Variants in NRG2 observed in about 807,000 individuals in gnomAD.
NRG2 encodes the protein neuregulin 2.
A neutral mutation model predicts 73.9 loss-of-function variants in NRG2; 27 were observed. That is an observed-to-expected ratio of 0.37 (90% CI 0.27 to 0.50). The LOEUF is 0.50. NRG2 is among the 20% of genes least tolerant of loss of function. The pLI is 0.96. For missense variants in NRG2, 1,126 were observed against 1,210.1 expected, an observed-to-expected ratio of 0.93 and a Z score of 1.03; for synonymous variants, 532 against 541.0, an observed-to-expected ratio of 0.98 and a Z score of 0.23.
At chr5:139,955,069 T>A (rs1168360360) in intron 1 of NRG2, among the ~76,000 whole-genome samples, 1 of 152,224 alleles carries the variant, frequency 6.6e-6, no homozygotes, top group African/African-American at 2.4e-5. Flanking sequence ...CTAGGTATCA[T>A]GCTAGACAGC....
intron 1 of NRG2, among the ~76,000 whole-genome samples, chr5:139,891,742 A>T (rs1327715628): frequency 6.6e-6 from 1 of 152,022 alleles, no homozygotes; most frequent in Non-Finnish European, 1.5e-5. Flanking sequence ...GCAGGGTCTG[A>T]GGGGAGCCTG....
At chr5:139,946,674 G>C (rs889619934) in intron 1 of NRG2, among the ~76,000 whole-genome samples, 1 of 152,078 alleles carries the variant, frequency 6.6e-6, no homozygotes, top group African/African-American at 2.4e-5. Flanking sequence ...TTAAGAAAGT[G>C]AAACGACAAC....
intron 1 of NRG2, among the ~76,000 whole-genome samples, chr5:140,003,121 C>G (rs556150794): frequency 2.6e-5 from 4 of 152,172 alleles, no homozygotes; most frequent in Non-Finnish European, 4.4e-5. Flanking sequence ...TGTGCTTCTT[C>G]ATAAATTGAC....
chr5:139,993,609 T>C (rs942913109), intron 1 of NRG2, among the ~76,000 whole-genome samples: 2 of 152,244 alleles, frequency 1.3e-5, no homozygotes, highest in African/African-American at 4.8e-5. Flanking sequence ...CACTTATTTG[T>C]TTGATTTTCA....
At chr5:139,990,974 T>G (rs1427480060) in intron 1 of NRG2, among the ~76,000 whole-genome samples, 4 of 152,128 alleles carry the variant, frequency 2.6e-5, no homozygotes. Context: ...TAAGCGGTCT[T>G]TTGGTATATA....
chr5:140,040,962 A>C (rs1188404232), intron 1 of NRG2, among the ~76,000 whole-genome samples: 1 of 152,190 alleles, frequency 6.6e-6, no homozygotes, highest in Non-Finnish European at 1.5e-5. Flanking sequence ...GATTCTTCTC[A>C]TTAAAGTGAT....
chr5:139,851,414 C>T lies in NRG2; in HGVS notation c.1772+190G>A, dbSNP rs1761409177. Among the ~76,000 whole-genome samples the T allele has an allele frequency of 6.6e-6, 1 of 152,224 alleles. No individual in the cohort carries two copies. The highest frequency in any genetic ancestry group is 1.5e-5 in the Non-Finnish European group (1 of 68,044). On this transcript the variant is annotated intron_variant, in intron 9 of 9. Coordinates refer to ENST00000361474, the MANE Select transcript of NRG2 (RefSeq NM_004883.3). This position sits in a 1 kb window ranked among gnomAD's most constrained non-coding sequence, Gnocchi z 4.2. ...CAGGGTCCACTGGCCCAACTCTAGT[C>T]CCAGTCTGTCATTAACATGCCGATG... is the stretch of plus-strand genomic sequence containing the variant.
intron 1 of NRG2, among the ~76,000 whole-genome samples, chr5:140,041,399 G>A (rs1383999214): frequency 6.6e-6 from 1 of 152,106 alleles, no homozygotes; most frequent in Non-Finnish European, 1.5e-5. Flanking sequence ...TGGATTCAGG[G>A]ACAAGAAGAA....
chr5:139,952,124 G>A (rs6580318), intron 1 of NRG2, among the ~76,000 whole-genome samples: 23,194 of 152,144 alleles, frequency 0.15, 1,972 homozygotes, highest in South Asian at 0.25. Context: ...ATGGTTGCAG[G>A]GATTAACCAA....
chr5:140,002,073 A>T (rs1231897640), intron 1 of NRG2, among the ~76,000 whole-genome samples: 2 of 152,014 alleles, frequency 1.3e-5, no homozygotes, highest in Non-Finnish European at 2.9e-5. Context: ...GGTCCCAGCT[A>T]CTCAGGAGGC....
At position 139,853,006 on chromosome 5, in the gene NRG2, G is replaced by T. The variant is rs939884648; in HGVS notation, c.1314C>A (p.His438Gln). 1 of 1,613,484 alleles carries T rather than the reference G, an allele frequency of 6.2e-7. No individual in the cohort carries two copies. Among genetic ancestry groups the T allele is most frequent in the Non-Finnish European group, 8.5e-7 (1 of 1,179,774 alleles). The change falls in exon 7 of 10, where the codon CAC becomes CAA. Residue 438 changes from histidine (H) to glutamine (Q), a missense_variant. By Grantham distance (24) the His-to-Gln change is conservative. Coordinates refer to ENST00000361474, the MANE Select transcript of NRG2 (RefSeq NM_004883.3). The surrounding 1 kb of genome is among the most constrained non-coding windows in gnomAD (Gnocchi z 4.1). ...GGCACATGTTCTGCCGGAGGTGGTT[G>T]TGCATCTGCTTCCGCTGTTTTCTGC... is the stretch of plus-strand genomic sequence containing the variant. The part of the protein sequence containing the change: ...CKTKKQRKQM[H>Q]NHLRQNMCPA...
Position 139,848,408 on chromosome 5 carries a change from G to T in NRG2, c.2062C>A (p.Arg688Ser). The T allele has an allele frequency of 7.9e-7, 1 of 1,267,860 alleles. No individual in the cohort carries two copies. Among genetic ancestry groups the T allele is most frequent in the Non-Finnish European group, 9.9e-7 (1 of 1,014,446 alleles). The allele number at this position is 1,267,860 out of a possible 1,614,324, so 78.5% of individuals were successfully genotyped here. A position where few individuals can be genotyped will look rare whatever the true frequency, so the allele number is the denominator to read the frequency against. The change falls in exon 10 of 10, where the codon CGC (arginine) becomes AGC (serine). Residue 688 changes from arginine (R) to serine (S), a missense_variant. Arg to Ser is a moderately radical substitution (Grantham distance 110, BLOSUM62 -1). Around this residue, in one of 3 missense-constraint regions of NRG2, gnomAD observed 402 missense variants for 357.8 expected, o/e 1.12. Transcript: ENST00000361474. ...YYPAAGPGPR[R>S]GTCALGGSLG... Reference sequence around the variant, plus strand: ...CTGCCGCCGAGCGCGCAGGTCCCGCGCCGCGGTCCGGGCCCCGCCGCGGGG... The same window carrying T: ...CTGCCGCCGAGCGCGCAGGTCCCGCTCCGCGGTCCGGGCCCCGCCGCGGGG...
chr5:139,880,729 T>C (rs1243835547), intron 3 of NRG2, 127 bp downstream of exon 3: 11 of 653,830 alleles, frequency 1.7e-5, no homozygotes, highest in Middle Eastern at 4.2e-4. Context: ...GGGCTTGATA[T>C]GGCAGCAGCA....
chr5:140,012,969 T>G (rs1007548256), intron 1 of NRG2, among the ~76,000 whole-genome samples: 1 of 152,204 alleles, frequency 6.6e-6, no homozygotes, highest in Non-Finnish European at 1.5e-5. Flanking sequence ...GAGCCCTTAA[T>G]GTGCCTGACA....
At chr5:139,902,152 C>T (rs1481686490) in intron 1 of NRG2, among the ~76,000 whole-genome samples, 1 of 152,212 alleles carries the variant, frequency 6.6e-6, no homozygotes. Flanking sequence ...TACCCAACAC[C>T]CCCAGCACCG....
chr5:139,932,434 A>G (rs765419456), intron 1 of NRG2, among the ~76,000 whole-genome samples: 13 of 152,154 alleles, frequency 8.5e-5, no homozygotes, highest in Non-Finnish European at 1.2e-4. Flanking sequence ...AAAAAGCTCA[A>G]ATACATGAGA....
intron 1 of NRG2, among the ~76,000 whole-genome samples, chr5:139,929,734 T>C (rs1249289398): frequency 6.6e-6 from 1 of 152,194 alleles, no homozygotes; most frequent in Non-Finnish European, 1.5e-5. Flanking sequence ...GTCAAAAGAT[T>C]GGATGCCGTG....
intron 1 of NRG2, among the ~76,000 whole-genome samples, chr5:139,925,227 T>C (rs1320053103): frequency 6.6e-6 from 1 of 152,192 alleles, no homozygotes; most frequent in African/African-American, 2.4e-5. Flanking sequence ...AAATTCCCTA[T>C]GAAGCTAATG....
chr5:139,849,420 A>G (rs113278842), intron 9 of NRG2, among the ~76,000 whole-genome samples: 2 of 152,142 alleles, frequency 1.3e-5, no homozygotes, highest in African/African-American at 4.8e-5. Flanking sequence ...GCTTCAGGGG[A>G]GTACCAAGAT....
Sources: gnomAD v4.1 joint callset for allele counts (sites outside exome capture counted in the v4.1 genomes callset) on GRCh38, gnomAD v4.1.1 for gene constraint, gnomAD v4.1.1 regional missense constraint, Gnocchi (gnomAD v3.1) non-coding constraint, MANE v1.5 for transcripts, NCBI Gene and HGNC (gene_info 2026-07-23, HGNC 2026-07-21) for gene names.